Variants in PHTF1 observed in about 807,000 individuals in gnomAD.
PHTF1 encodes the protein putative homeodomain transcription factor 1, also known as protein PHTF1.
PHTF1 carries 88 observed loss-of-function variants against 102.4 expected under a neutral mutation model. The observed-to-expected ratio is 0.86, with a 90% CI of 0.72 to 1.03. PHTF1 has a LOEUF of 1.03. PHTF1 is among the 50% of genes least tolerant of loss of function. PHTF1 has a pLI of 0.00. For missense variants in PHTF1, 814 were observed against 909.5 expected (o/e 0.89, Z 1.35); for synonymous variants, 289 against 305.2 (o/e 0.95, Z 0.55).
chr1:113,743,966 T>C (rs1656821604), intron 3 of PHTF1, among the ~76,000 whole-genome samples: 1 of 152,224 alleles, frequency 6.6e-6, no homozygotes, highest in African/African-American at 2.4e-5. Flanking sequence ...TGCCTTTCGC[T>C]ATATGACACA....
chr1:113,756,680 C>T (rs1237841158), intron 3 of PHTF1, among the ~76,000 whole-genome samples: 1 of 152,148 alleles, frequency 6.6e-6, no homozygotes, highest in African/African-American at 2.4e-5. Flanking sequence ...ACCAGCATCC[C>T]CAAATGGCTT....
chr1:113,716,287 C>T (rs1445477496), intron 7 of PHTF1, among the ~76,000 whole-genome samples: 1 of 150,294 alleles, frequency 6.7e-6, no homozygotes, highest in Non-Finnish European at 1.5e-5. Context: ...TCAGTGCAAA[C>T]TTTACAGGCT....
At chr1:113,754,369 C>A (rs961847360) in intron 3 of PHTF1, among the ~76,000 whole-genome samples, 1 of 151,812 alleles carries the variant, frequency 6.6e-6, no homozygotes, top group African/African-American at 2.4e-5. Context: ...TGTGTTCATG[C>A]CACTGCACTC....
chr1:113,697,472 C>T lies in PHTF1; in HGVS notation c.*233G>A. The T allele has an allele frequency of 6.6e-6, 3 of 455,938 alleles. No individual in the cohort carries two copies. Among genetic ancestry groups the T allele is most frequent in the Non-Finnish European group, 8.0e-6 (2 of 251,104 alleles). The allele number at this position is 455,938 out of a possible 1,614,324, so 28.2% of individuals were successfully genotyped here. On this transcript the variant is annotated 3_prime_UTR_variant, in exon 19 of 19. Coordinates refer to ENST00000369604, the MANE Select transcript of PHTF1 (RefSeq NM_001323043.2). ...TACCACAACACACACAGTCTTTAGT[C>T]AGCTGACTATTCATGTTGTTTGAAA... is the stretch of plus-strand genomic sequence containing the variant.
chr1:113,738,849 T>G, intron 3 of PHTF1, 50 bp from the exon 4 acceptor site: 1 of 1,183,720 alleles, frequency 8.4e-7, no homozygotes, highest in Non-Finnish European at 1.2e-6. Flanking sequence ...AAAAGCCCTT[T>G]TATTTATTTA....
chr1:113,698,183 ACACACG>A (rs1649003155), intron 18 of PHTF1, 73 bp downstream of exon 18: 3 of 693,312 alleles, frequency 4.3e-6, no homozygotes, highest in Admixed American at 2.5e-5. Context: ...ACACACACAC[ACACACG>A]TGTGAAGAAC....
At position 113,738,095 on chromosome 1, in the gene PHTF1, A is replaced by C. The variant is rs2273758; in HGVS notation, c.331+15T>G. ...AAAAGAAACTGTCATTGCTTATTCC[A>C]ATTTCTCCAATTACCTTGCATGAAA... On this transcript the variant is annotated intron_variant, in intron 5 of 18. Coordinates refer to ENST00000369604, the MANE Select transcript of PHTF1 (RefSeq NM_001323043.2). The C allele has an allele frequency of 0.61, 959,149 of 1,569,314 alleles. 300,365 individuals carry two copies. The highest frequency in any genetic ancestry group is 0.74 in the African/African-American group (54,740 of 73,766).
At chr1:113,730,627 A>G (rs981360423) in intron 5 of PHTF1, among the ~76,000 whole-genome samples, 1 of 152,252 alleles carries the variant, frequency 6.6e-6, no homozygotes, top group Non-Finnish European at 1.5e-5. Flanking sequence ...GCGGCTGGTT[A>G]TAACAATTTT....
At chr1:113,758,919 C>T in intron 1 of PHTF1, 104 bp downstream of exon 1, 1 of 1,049,814 alleles carries the variant, frequency 9.5e-7, no homozygotes, top group Non-Finnish European at 1.2e-6. Context: ...GAAGCCTCTG[C>T]AATATATCGG....
At position 113,698,355 on chromosome 1, in the gene PHTF1, C is replaced by T. The variant is rs752597142; in HGVS notation, c.2175G>A (p.Leu725=). ...ELDTPFRLYG[L]TMNPLIYNIT... Reference sequence around the variant, plus strand: ...TATTGTAGATTAAGGGATTCATTGTCAGTCCATAGAGTCTAAATGGTGTGT... The same window carrying T: ...TATTGTAGATTAAGGGATTCATTGTTAGTCCATAGAGTCTAAATGGTGTGT... Residue 725 remains leucine (L), a synonymous_variant, in exon 18 of 19, where the codon CTG becomes CTA. Transcript: ENST00000369604. 3.9e-5 allele frequency: 63 copies of T among 1,610,260 alleles called. No individual in the cohort carries two copies. Among genetic ancestry groups the T allele is most frequent in the Non-Finnish European group, 4.9e-5 (58 of 1,176,816 alleles).
chr1:113,738,377 T>A, intron 4 of PHTF1, 109 bp from the exon 5 acceptor site: 1 of 760,084 alleles, frequency 1.3e-6, no homozygotes, highest in Non-Finnish European at 2.1e-6. Context: ...GCACAAAACC[T>A]GTTCAGTTAA....
chr1:113,701,075 C>A, intron 15 of PHTF1, 126 bp from the exon 16 acceptor site: 1 of 688,464 alleles, frequency 1.5e-6, no homozygotes, highest in Non-Finnish European at 2.5e-6. Context: ...AGCAGAAGAG[C>A]TTTAATACTC....
intron 16 of PHTF1, chr1:113,700,236 T>C: frequency 2.4e-6 from 2 of 818,962 alleles, no homozygotes; most frequent in Non-Finnish European, 3.0e-6. Context: ...GAATTCTCCA[T>C]TACGATTCTA....
intron 13 of PHTF1, among the ~76,000 whole-genome samples, chr1:113,705,071 T>C (rs1649921909): frequency 6.6e-6 from 1 of 152,256 alleles, no homozygotes; most frequent in Non-Finnish European, 1.5e-5. Context: ...TTGGCATTTA[T>C]GGATCCACTA....
At position 113,697,509 on chromosome 1, in the gene PHTF1, A is replaced by C; in HGVS notation, c.*196T>G. The C allele has an allele frequency of 1.9e-6, 1 of 525,692 alleles. No homozygotes were observed. The highest frequency in any genetic ancestry group is 3.2e-5 in the East Asian group (1 of 31,292). 32.6% of individuals were successfully genotyped at this position (525,692 alleles called of 1,614,324 possible). Reference sequence around the variant, plus strand: ...CATGTTGTTTGAAAAGCATGAAAATACAGGTTTTTAGCATGCACACCCAGT... The same window carrying C: ...CATGTTGTTTGAAAAGCATGAAAATCCAGGTTTTTAGCATGCACACCCAGT... On this transcript the variant is annotated 3_prime_UTR_variant, in exon 19 of 19. Coordinates refer to ENST00000369604, the MANE Select transcript of PHTF1 (RefSeq NM_001323043.2).
intron 7 of PHTF1, among the ~76,000 whole-genome samples, chr1:113,716,491 C>G (rs956922957): frequency 3.3e-5 from 5 of 151,804 alleles, no homozygotes; most frequent in African/African-American, 1.2e-4. Context: ...ACCACAGGCA[C>G]AGGTCACCAC....
chr1:113,707,467 C>T (rs1650386681), intron 11 of PHTF1, among the ~76,000 whole-genome samples: 1 of 152,220 alleles, frequency 6.6e-6, no homozygotes, highest in South Asian at 2.1e-4. Flanking sequence ...TGAAAAACTT[C>T]TACAGTCTGT....
chr1:113,706,053 T>G lies in PHTF1; in HGVS notation c.1508A>C (p.Asp503Ala). Residue 503 changes from aspartate to alanine, a missense_variant, in exon 13 of 19, where the codon GAC (aspartate) becomes GCC (alanine). Coordinates refer to ENST00000369604, the MANE Select transcript of PHTF1 (RefSeq NM_001323043.2). ...LHRLFREKSLDQLKSISAEEI... is the reference protein window; with the variant it reads ...LHRLFREKSLAQLKSISAEEI... ...CTCAGCTGAAATGGACTTTAGTTGG[T>G]CAAGGCTCTTCTCACGGAAAAGTCG... is the stretch of plus-strand genomic sequence containing the variant. The G allele has an allele frequency of 6.2e-7, 1 of 1,614,130 alleles. No homozygotes were observed.
chr1:113,732,881 G>T (rs999157932), intron 5 of PHTF1, among the ~76,000 whole-genome samples: 9 of 151,894 alleles, frequency 5.9e-5, no homozygotes, highest in African/African-American at 2.2e-4. Flanking sequence ...GTCAAATTAG[G>T]TAACAATCTT....
Sources: gnomAD v4.1 joint callset for allele counts (sites outside exome capture counted in the v4.1 genomes callset) on GRCh38, gnomAD v4.1.1 for gene constraint, MANE v1.5 for transcripts, NCBI Gene and HGNC (gene_info 2026-07-23, HGNC 2026-07-21) for gene names.